Variants in IL33 observed in about 807,000 individuals in gnomAD.
IL33 encodes interleukin 33.
Under a neutral mutation model 27.3 loss-of-function variants are expected in IL33, and 37 were observed. The observed-to-expected ratio is 1.36, with a 90% CI of 1.04 to 1.78. The LOEUF (loss-of-function observed/expected upper bound fraction) is 1.78, where lower values mean the gene tolerates loss of function less well. Ranked by LOEUF, IL33 falls within the 40% of genes most tolerant of loss-of-function variation. The pLI is 0.00. For missense variants in IL33, 406 were observed against 311.4 expected, an observed-to-expected ratio of 1.30 and a Z score of -2.29; for synonymous variants, 132 against 102.9, an observed-to-expected ratio of 1.28 and a Z score of -1.71.
At chr9:6,249,727 T>A (rs1294976302) in intron 2 of IL33, among the ~76,000 whole-genome samples, 1 of 152,220 alleles carries the variant, frequency 6.6e-6, no homozygotes, top group African/African-American at 2.4e-5. Context: ...TCGCCAGCTC[T>A]GTAATCTTGG....
At chr9:6,239,345 T>G (rs947923499) in intron 1 of IL33, among the ~76,000 whole-genome samples, 4 of 152,166 alleles carry the variant, frequency 2.6e-5, no homozygotes, top group African/African-American at 9.7e-5. Context: ...GAGCTAGGCA[T>G]GTCCACAATG....
chr9:6,241,325 C>CAAA (rs1330673441), intron 1 of IL33, among the ~76,000 whole-genome samples: 8 of 152,158 alleles, frequency 5.3e-5, no homozygotes, highest in Non-Finnish European at 1.0e-4. Context: ...TACTTTTATA[C>CAAA]AACTGGCAGT....
At chr9:6,248,095 T>G (rs1411532433) in intron 2 of IL33, among the ~76,000 whole-genome samples, 2 of 152,122 alleles carry the variant, frequency 1.3e-5, no homozygotes, top group African/African-American at 2.4e-5. Context: ...TGAGTGTTCT[T>G]TCAGTTATCA....
At chr9:6,229,104 T>C (rs979761088) in intron 1 of IL33, among the ~76,000 whole-genome samples, 1 of 151,526 alleles carries the variant, frequency 6.6e-6, no homozygotes, top group African/African-American at 2.4e-5. Flanking sequence ...GAGAAGGAAA[T>C]AAATGAGCTA....
intron 1 of IL33, among the ~76,000 whole-genome samples, chr9:6,239,103 C>T (rs1046084493): frequency 6.6e-6 from 1 of 152,124 alleles, no homozygotes. Context: ...CAGAACTGCT[C>T]TTCTAACAAA....
chr9:6,236,181 A>T (rs1819197371), intron 1 of IL33, among the ~76,000 whole-genome samples: 1 of 152,216 alleles, frequency 6.6e-6, no homozygotes, highest in Admixed American at 6.5e-5. Flanking sequence ...GCTATTTATA[A>T]TGTTACTTGT....
chr9:6,236,206 A>T (rs887983461), intron 1 of IL33, among the ~76,000 whole-genome samples: 1 of 152,226 alleles, frequency 6.6e-6, no homozygotes, highest in Non-Finnish European at 1.5e-5. Context: ...GAATGTTTCT[A>T]ATATGTGAAA....
intron 3 of IL33, 133 bp downstream of exon 3, chr9:6,250,732 T>G: frequency 1.0e-6 from 1 of 999,480 alleles, no homozygotes; most frequent in East Asian, 2.6e-5. Context: ...ATGAACTGGT[T>G]TTTAGCTATT....
At chr9:6,254,010 C>A (rs1328167884) in intron 6 of IL33, among the ~76,000 whole-genome samples, 1 of 152,182 alleles carries the variant, frequency 6.6e-6, no homozygotes, top group African/African-American at 2.4e-5. Flanking sequence ...TGTATGCATT[C>A]TATTTCCCTT....
chr9:6,229,141 G>T (rs1036756762), intron 1 of IL33, among the ~76,000 whole-genome samples: 2 of 152,128 alleles, frequency 1.3e-5, no homozygotes, highest in African/African-American at 4.8e-5. Flanking sequence ...AGGAGCACAG[G>T]AAAGAGTCAA....
intron 3 of IL33, 139 bp from the exon 4 acceptor site, chr9:6,251,001 A>G (rs1173469354): frequency 2.8e-6 from 3 of 1,063,682 alleles, no homozygotes; most frequent in Admixed American, 2.7e-5. Flanking sequence ...AGAGGTATCA[A>G]TCCCTTTGGA....
chr9:6,249,277 T>G (rs1442167649), intron 2 of IL33, among the ~76,000 whole-genome samples: 1 of 152,336 alleles, frequency 6.6e-6, no homozygotes, highest in South Asian at 2.1e-4. Context: ...AGCATTATTT[T>G]AGGAAGGCAA....
In IL33 at chr9:6,241,708, T is replaced by G. The variant is rs771108276; in HGVS notation, c.14T>G (p.Met5Arg). Residue 5 changes from methionine (M) to arginine (R), a missense_variant, in exon 2 of 8, where the codon ATG (methionine) becomes AGG (arginine). Transcript: ENST00000682010. MKPK[M>R]KYSTNKISTA... ...GAATACTGAAAAATGAAGCCTAAAA[T>G]GAAGTATTCAACCAACAAAATTTCC... 6.2e-7 allele frequency: 1 copy of G among 1,607,040 alleles called. No homozygotes were observed. Among genetic ancestry groups the G allele is most frequent in the Admixed American group, 1.7e-5 (1 of 59,402 alleles).
intron 1 of IL33, among the ~76,000 whole-genome samples, chr9:6,233,610 T>A (rs1180044228): frequency 2.0e-5 from 3 of 152,236 alleles, no homozygotes; most frequent in Non-Finnish European, 2.9e-5. Flanking sequence ...CACCAGCTAC[T>A]GTGCTAAGCG....
chr9:6,255,009 CA>C (rs939773658), intron 7 of IL33, among the ~76,000 whole-genome samples: 2 of 151,832 alleles, frequency 1.3e-5, no homozygotes, highest in African/African-American at 4.8e-5. Context: ...TAAACAAATA[CA>C]AAAAAAATTT....
At chr9:6,253,493 G>C in intron 5 of IL33, 59 bp from the exon 6 acceptor site, 1 of 1,162,478 alleles carries the variant, frequency 8.6e-7, no homozygotes, top group Non-Finnish European at 1.3e-6. Context: ...GTGTGTGTTG[G>C]AACTGAAAAC....
intron 2 of IL33, chr9:6,242,702 A>C (rs904599933): frequency 6.6e-6 from 1 of 152,240 alleles, no homozygotes; most frequent in Non-Finnish European, 1.5e-5. Flanking sequence ...GAGATGTAAA[A>C]ATAATAATAA....
At chr9:6,232,626 G>A (rs1818978736) in intron 1 of IL33, among the ~76,000 whole-genome samples, 1 of 151,998 alleles carries the variant, frequency 6.6e-6, no homozygotes, top group African/African-American at 2.4e-5. Flanking sequence ...ATTTTCTTGT[G>A]TGCACATTTC....
In IL33 at chr9:6,248,247, T is replaced by C. The variant is rs1037928672; in HGVS notation, c.92-2227T>C. On this transcript the variant is annotated intron_variant, in intron 2 of 7. Transcript: ENST00000682010. ...CTTTTTTTCTTTTCTTTTCTTTTTT[T>C]TTTTTTTTTTTTTTTTGAGACAGAG... Among the ~76,000 whole-genome samples, 873 of 138,624 alleles carry C rather than the reference T, an allele frequency of 6.3e-3. 4 individuals carry two copies. The highest frequency in any genetic ancestry group is 0.011 in the Middle Eastern group (3 of 280). 90.9% of individuals were successfully genotyped at this position (138,624 alleles called of 152,430 possible). A position where few individuals can be genotyped will look rare whatever the true frequency, so the allele number is the denominator to read the frequency against.
Sources: gnomAD v4.1 joint callset for allele counts (sites outside exome capture counted in the v4.1 genomes callset) on GRCh38, gnomAD v4.1.1 for gene constraint, MANE v1.5 for transcripts, NCBI Gene and HGNC (gene_info 2026-07-23, HGNC 2026-07-21) for gene names.